QKI: variants seen among roughly 807,000 people sequenced by gnomAD.
QKI encodes QKI, KH domain containing RNA binding.
Under a neutral mutation model 39.0 loss-of-function variants are expected in QKI, and 10 were observed. The ratio of observed to expected loss-of-function variants is 0.26; its 90% CI spans 0.16 to 0.43. The LOEUF (loss-of-function observed/expected upper bound fraction) is 0.43. Among genes scored for constraint, QKI ranks in the 20% least tolerant of loss-of-function variants. QKI has a pLI of 1.00. For synonymous variants in QKI, 204 were observed against 155.4 expected (o/e 1.31, Z -2.33); for missense variants, 218 against 428.0 (o/e 0.51, Z 4.33).
chr6:163,446,452 A>T (rs1790160704), intron 1 of QKI, among the ~76,000 whole-genome samples: 1 of 152,130 alleles, frequency 6.6e-6, no homozygotes, highest in Non-Finnish European at 1.5e-5. Context: ...ATTTCTTTTT[A>T]CCTGGATTCT....
rs957155905 is a variant in QKI at position 163,574,893 on chromosome 6, C to T, written c.*4183C>T. The T allele has an allele frequency of 9.9e-5, 15 of 152,258 alleles. No individual in the cohort carries two copies. The highest frequency in any genetic ancestry group is 3.4e-4 in the African/African-American group (14 of 41,554). The allele number at this position is 152,258 out of a possible 1,614,324, so 9.4% of individuals were successfully genotyped here. On this transcript the variant is annotated 3_prime_UTR_variant, in exon 8 of 8. Transcript: ENST00000361752. ...GAAATGAATGACATGTAATAGAAGACAAAACTGTACCAATACGCTGTTAAC... is the reference window on the plus strand; with the variant it reads ...GAAATGAATGACATGTAATAGAAGATAAAACTGTACCAATACGCTGTTAAC...
rs537843760 is a variant in QKI, at chr6:163,478,130, A to AT, written c.286-644dup. Among the ~76,000 whole-genome samples, 375 of 152,152 alleles carry AT rather than the reference A, an allele frequency of 2.5e-3. 1 individual carries two copies. The highest frequency in any genetic ancestry group is 8.5e-3 in the African/African-American group (353 of 41,498). ...TAGGAATTTCTGTTGAGGGATGGTAATTTTTTATTTTTTTATTGTACAGTT... is the reference window on the plus strand; with the variant it reads ...TAGGAATTTCTGTTGAGGGATGGTAATTTTTTTATTTTTTTATTGTACAGTT... On this transcript the variant is annotated intron_variant, in intron 2 of 7. Coordinates refer to ENST00000361752, the MANE Select transcript of QKI (RefSeq NM_006775.3).
intron 1 of QKI, among the ~76,000 whole-genome samples, chr6:163,442,296 G>GA (rs1237352274): frequency 6.6e-6 from 1 of 152,094 alleles, no homozygotes; most frequent in South Asian, 2.1e-4. Context: ...ATTTTAAAAT[G>GA]AAAAAATAAT....
At chr6:163,555,462 G>T (rs1470523214) in intron 4 of QKI, among the ~76,000 whole-genome samples, 1 of 122,634 alleles carries the variant, frequency 8.2e-6, no homozygotes, top group African/African-American at 3.1e-5. Flanking sequence ...AGTGAGCCAA[G>T]ATCACGCCAC....
intron 1 of QKI, among the ~76,000 whole-genome samples, chr6:163,447,963 T>A (rs1228089902): frequency 6.6e-6 from 1 of 152,166 alleles, no homozygotes; most frequent in Non-Finnish European, 1.5e-5. Context: ...AATAGTTGTA[T>A]CTTTTTTGAC....
At chr6:163,531,474 C>T (rs1199127204) in intron 3 of QKI, among the ~76,000 whole-genome samples, 1 of 152,166 alleles carries the variant, frequency 6.6e-6, no homozygotes, top group African/African-American at 2.4e-5. Flanking sequence ...TCATCTAGTC[C>T]TGCAATCTCA....
At chr6:163,560,335 A>G (rs1414230645) in intron 4 of QKI, among the ~76,000 whole-genome samples, 1 of 152,142 alleles carries the variant, frequency 6.6e-6, no homozygotes, top group Non-Finnish European at 1.5e-5. Context: ...TTATAATGAA[A>G]CCATGTTGAA....
chr6:163,525,292 C>CTCTCTCTCTCCCCTCTCTCCTCTTT (rs1780425705), intron 3 of QKI, among the ~76,000 whole-genome samples: 1 of 141,202 alleles, frequency 7.1e-6, no homozygotes, highest in Non-Finnish European at 1.5e-5. Context: ...CCTGTTCTCT[C>CTCTCTCTCTCCCCTCTCTCCTCTTT]TCTCTCTCTC....
At chr6:163,417,036 C>T (rs1420317218) in intron 1 of QKI, among the ~76,000 whole-genome samples, 1 of 152,084 alleles carries the variant, frequency 6.6e-6, no homozygotes, top group East Asian at 1.9e-4. Flanking sequence ...CATACTCAAT[C>T]TGACTGACCT....
chr6:163,523,552 A>G (rs1357384896), intron 3 of QKI, among the ~76,000 whole-genome samples: 2 of 152,226 alleles, frequency 1.3e-5, no homozygotes, highest in Non-Finnish European at 2.9e-5. Context: ...CATGGATTCC[A>G]TAGTTCCTTT....
At chr6:163,505,326 T>C (rs1311436280) in intron 3 of QKI, among the ~76,000 whole-genome samples, 1 of 152,108 alleles carries the variant, frequency 6.6e-6, no homozygotes, top group Non-Finnish European at 1.5e-5. Context: ...CTAATGGAGC[T>C]ATGAGAAGAG....
intron 1 of QKI, among the ~76,000 whole-genome samples, chr6:163,438,948 G>T (rs1211783862): frequency 6.6e-6 from 1 of 152,082 alleles, no homozygotes; most frequent in Admixed American, 6.5e-5. Context: ...CAGCTGTACA[G>T]AAATATTTTC....
intron 4 of QKI, among the ~76,000 whole-genome samples, chr6:163,539,069 T>C (rs1781364201): frequency 6.6e-6 from 1 of 152,198 alleles, no homozygotes. Context: ...TGAGACTGGA[T>C]GTATCATCAA....
In QKI at chr6:163,443,758, A is replaced by G. The variant is rs1789932905; in HGVS notation, c.143-11521A>G. Among the ~76,000 whole-genome samples, 3 of 152,364 alleles carry G rather than the reference A, an allele frequency of 2.0e-5. No homozygotes were observed. The South Asian group carries it at 6.2e-4, about 32-fold the overall frequency. On this transcript the variant is annotated intron_variant, in intron 1 of 7. Transcript: ENST00000361752. ...CCTATGCTACATGATTATAAACCTT[A>G]GGTTCTTTCTGTATTGTACTTAGGT...
At chr6:163,558,462 C>T (rs1782786010) in intron 4 of QKI, among the ~76,000 whole-genome samples, 1 of 149,634 alleles carries the variant, frequency 6.7e-6, no homozygotes, top group Middle Eastern at 3.4e-3. Context: ...TGCAACGGCG[C>T]GATGTCGACT....
Position 163,478,772 on chromosome 6 carries a change from T to A in QKI, c.286-8T>A, listed in dbSNP as rs749091982. 1 of 1,566,710 alleles carries A rather than the reference T, an allele frequency of 6.4e-7. No homozygotes were observed. The highest frequency in any genetic ancestry group is 1.4e-5 in the African/African-American group (1 of 72,542). ...TAATGTATAGTGATCCTTTTTTTTT[T>A]TTCTCAGTTTAATTTTGTTGGGAGA... is the stretch of plus-strand genomic sequence containing the variant. On this transcript the variant is annotated splice_polypyrimidine_tract_variant and splice_region_variant and intron_variant, in intron 2 of 7. Transcript: ENST00000361752.
intron 4 of QKI, among the ~76,000 whole-genome samples, chr6:163,559,680 C>G (rs1296545394): frequency 1.3e-5 from 2 of 152,136 alleles, no homozygotes; most frequent in African/African-American, 4.8e-5. Context: ...ATGTTTCACT[C>G]ATATTTTTCT....
intron 3 of QKI, among the ~76,000 whole-genome samples, chr6:163,516,246 C>T (rs1583143502): frequency 1.3e-5 from 2 of 151,984 alleles, no homozygotes; most frequent in African/African-American, 4.8e-5. Flanking sequence ...GCTTGCAACT[C>T]AATTATGGGG....
At chr6:163,466,127 CAA>C (rs36094925) in intron 2 of QKI, among the ~76,000 whole-genome samples, 10 of 84,384 alleles carry the variant, frequency 1.2e-4, no homozygotes, top group Admixed American at 1.3e-4. Context: ...AACTCCATCT[CAA>C]AAAAAAAAAA....
Sources: allele counts gnomAD v4.1 joint callset (sites outside exome capture counted in the v4.1 genomes callset), GRCh38; gene constraint gnomAD v4.1.1; transcripts MANE v1.5; gene names NCBI Gene and HGNC (gene_info 2026-07-23, HGNC 2026-07-21).